GLI2: variants seen among roughly 807,000 people sequenced by gnomAD.
GLI2 encodes GLI family zinc finger 2.
In GLI2, 22 loss-of-function variants were observed where a neutral mutation model predicts 78.9. The ratio of observed to expected loss-of-function variants is 0.28; its 90% CI spans 0.20 to 0.40. The LOEUF is 0.40. Among genes scored for constraint, GLI2 ranks in the 10% least tolerant of loss-of-function variants. The pLI is 1.00. For missense variants in GLI2, 2,097 were observed against 2,213.2 expected (o/e 0.95, Z 1.05); for synonymous variants, 974 against 963.7 (o/e 1.01, Z -0.20).
chr2:120,872,130 T>G (rs11122827), intron 2 of GLI2, among the ~76,000 whole-genome samples: 80,656 of 151,974 alleles, frequency 0.53, 21,585 homozygotes, highest in East Asian at 0.76. Flanking sequence ...CAGAGAGCTG[T>G]AGGAGGTGGA....
intron 2 of GLI2, among the ~76,000 whole-genome samples, chr2:120,896,638 T>TAC (rs149519455): frequency 0.068 from 8,160 of 119,302 alleles, 548 homozygotes; most frequent in African/African-American, 0.17. Flanking sequence ...AAAACACACA[T>TAC]ACACACACAC....
At chr2:120,959,437 A>G (rs963750798) in intron 5 of GLI2, among the ~76,000 whole-genome samples, 12 of 152,242 alleles carry the variant, frequency 7.9e-5, no homozygotes, top group African/African-American at 2.4e-4. Context: ...TTACAATCCA[A>G]GAAAATCAGA....
intron 1 of GLI2, among the ~76,000 whole-genome samples, chr2:120,736,881 C>T (rs1165755119): frequency 6.7e-6 from 1 of 150,282 alleles, no homozygotes; most frequent in Non-Finnish European, 1.5e-5. Context: ...CTCGGCCCCC[C>T]CTCTTTGCCT....
intron 2 of GLI2, among the ~76,000 whole-genome samples, chr2:120,812,947 A>C (rs1573415713): frequency 6.6e-6 from 1 of 152,008 alleles, no homozygotes; most frequent in Admixed American, 6.5e-5. Context: ...AGGCGGGGAC[A>C]CCTGGCCATG....
intron 2 of GLI2, among the ~76,000 whole-genome samples, chr2:120,840,321 G>A (rs917302576): frequency 1.2e-4 from 19 of 152,074 alleles, no homozygotes; most frequent in African/African-American, 4.3e-4. Flanking sequence ...TTTCTGTTAT[G>A]CATTTTCTAA....
intron 5 of GLI2, among the ~76,000 whole-genome samples, chr2:120,964,371 A>G (rs1014047931): frequency 6.6e-6 from 1 of 152,154 alleles, no homozygotes; most frequent in African/African-American, 2.4e-5. Context: ...ATTTTTGGAA[A>G]GTTTTGGGGA....
At chr2:120,938,676 G>A (rs779697678) in intron 3 of GLI2, among the ~76,000 whole-genome samples, 13 of 152,242 alleles carry the variant, frequency 8.5e-5, no homozygotes, top group South Asian at 2.1e-4. Flanking sequence ...AGTGCAGGTC[G>A]CATATATGGG....
intron 2 of GLI2, among the ~76,000 whole-genome samples, chr2:120,892,955 T>C (rs1233089462): frequency 6.6e-6 from 1 of 152,226 alleles, no homozygotes; most frequent in Non-Finnish European, 1.5e-5. Flanking sequence ...GCCACTTTTC[T>C]GATAGATGCT....
chr2:120,760,701 A>AGT (rs1683188582), intron 1 of GLI2, among the ~76,000 whole-genome samples: 1 of 152,154 alleles, frequency 6.6e-6, no homozygotes, highest in South Asian at 2.1e-4. Context: ...AATCTTTTCC[A>AGT]GTGGCTCAGG....
intron 2 of GLI2, among the ~76,000 whole-genome samples, chr2:120,856,234 G>A (rs1405980018): frequency 6.6e-6 from 1 of 152,186 alleles, no homozygotes; most frequent in South Asian, 2.1e-4. Context: ...CATGATGCCA[G>A]CCAGGAGGGA....
In GLI2 at chr2:120,791,141, C is replaced by T. The variant is rs189925382; in HGVS notation, c.-30-6150C>T. On this transcript the variant is annotated intron_variant, in intron 1 of 13. Transcript: ENST00000361492. The stretch of plus-strand genomic sequence containing the variant: ...CTCTCATTGTGGGAGAATTCAATGC[C>T]TCATGTTTTAAAATAGGATTATTTT... 2.6e-5 allele frequency among the ~76,000 whole-genome samples: 4 copies of T among 152,258 alleles called. 1 individual carries two copies. The East Asian group carries it at 7.7e-4, about 29-fold the overall frequency.
At position 120,990,567 on chromosome 2, in the gene GLI2, G is replaced by A; in HGVS notation, c.4602G>A (p.Leu1534=). 6.2e-7 allele frequency: 1 copy of A among 1,613,880 alleles called. No individual in the cohort carries two copies. The highest frequency in any genetic ancestry group is 8.5e-7 in the Non-Finnish European group (1 of 1,179,952). Reference sequence around the variant, plus strand: ...GCCTCACCACCCCCCGAAACTCCTTGACCCTGCCCTCCATCCCCGCAGGCA... The same window carrying A: ...GCCTCACCACCCCCCGAAACTCCTTAACCCTGCCCTCCATCCCCGCAGGCA... ...SSRLTTPRNS[L]TLPSIPAGIS... is the part of the protein sequence containing the mutation. The change falls in exon 14 of 14, where the codon TTG becomes TTA. Residue 1534 remains leucine (L), a synonymous_variant. Transcript: ENST00000361492.
At chr2:120,788,725 T>C (rs887733794) in intron 1 of GLI2, among the ~76,000 whole-genome samples, 8 of 152,128 alleles carry the variant, frequency 5.3e-5, no homozygotes, top group Non-Finnish European at 1.0e-4. Context: ...GAAAAACAAA[T>C]TCAAGGAGCG....
intron 4 of GLI2, among the ~76,000 whole-genome samples, chr2:120,954,785 T>C (rs4848660): frequency 0.79 from 120,658 of 152,206 alleles, 52,416 homozygotes; most frequent in East Asian, 1. Flanking sequence ...AGGAGCTTTA[T>C]CTGGCCAGGC....
chr2:120,868,912 C>A (rs761488190), intron 2 of GLI2, among the ~76,000 whole-genome samples: 3 of 152,100 alleles, frequency 2.0e-5, no homozygotes, highest in Admixed American at 1.3e-4. Context: ...TTGGACCTTG[C>A]AGGAAGCAAG....
At chr2:120,967,998 T>G (rs1441749179) in intron 5 of GLI2, among the ~76,000 whole-genome samples, 1 of 152,204 alleles carries the variant, frequency 6.6e-6, no homozygotes. Context: ...GGGGGCACTT[T>G]AGTGGTGATT....
intron 2 of GLI2, among the ~76,000 whole-genome samples, chr2:120,798,694 C>A (rs1558801970): frequency 6.6e-6 from 1 of 152,206 alleles, no homozygotes; most frequent in East Asian, 1.9e-4. Context: ...GGCCCTCCCT[C>A]TGTGAGGAGG....
At position 120,984,699 on chromosome 2, in the gene GLI2, G is replaced by A. The variant is rs748026927; in HGVS notation, c.1861G>A (p.Glu621Lys). The A allele has an allele frequency of 2.2e-5, 35 of 1,613,576 alleles. No individual in the cohort carries two copies. The highest frequency in any genetic ancestry group is 3.0e-5 in the Non-Finnish European group (35 of 1,179,974). The change falls in exon 12 of 14, where the codon GAG becomes AAG. Residue 621 changes from glutamate to lysine, a missense_variant. Glu to Lys is a moderately conservative substitution (Grantham distance 56). This residue lies in a region of GLI2 where 68 missense variants were observed against 104.4 expected (regional missense o/e 0.65). Coordinates refer to ENST00000361492, the MANE Select transcript of GLI2 (RefSeq NM_001374353.1). ...GGCCAGCAGCACCAGCCAGGCCGTG[G>A]AGGACTGCCTGCACGTCAGAGCCAT... is the stretch of plus-strand genomic sequence containing the variant. ...TEASSTSQAV[E>K]DCLHVRAIKT...
chr2:120,912,638 C>T lies in GLI2; in HGVS notation c.149-14723C>T, dbSNP rs575869635. Among the ~76,000 whole-genome samples, 29 of 152,312 alleles carry T rather than the reference C, an allele frequency of 1.9e-4. 1 individual carries two copies. The South Asian group carries it at 5.8e-3, about 30-fold the overall frequency. The stretch of plus-strand genomic sequence containing the variant: ...AGAATCACACGGGCAGGGAGCCAGG[C>T]GTCCGAAAGTGTAACACGGCTTGCC... On this transcript the variant is annotated intron_variant, in intron 2 of 13. Coordinates refer to ENST00000361492, the MANE Select transcript of GLI2 (RefSeq NM_001374353.1).
Sources: allele counts gnomAD v4.1 joint callset (sites outside exome capture counted in the v4.1 genomes callset), GRCh38; gene constraint gnomAD v4.1.1; regional missense constraint gnomAD v4.1.1; transcripts MANE v1.5; gene names NCBI Gene and HGNC (gene_info 2026-07-23, HGNC 2026-07-21).